The following VPS13B variants were observed in gnomAD, a reference collection of about 807,000 sequenced individuals.
The protein encoded by VPS13B is vacuolar protein sorting 13 homolog B.
Under a neutral mutation model 426.4 loss-of-function variants are expected in VPS13B, and 285 were observed. The ratio of observed to expected loss-of-function variants is 0.67; its 90% CI spans 0.61 to 0.74. VPS13B has a LOEUF of 0.74. VPS13B is among the 30% of genes least tolerant of loss of function. The pLI, the probability that VPS13B is intolerant of heterozygous loss-of-function variation, is 0.00. For missense variants in VPS13B, 4,537 were observed against 4,782.6 expected (o/e 0.95, Z 1.51); for synonymous variants, 1,676 against 1,676.4 (o/e 1.00, Z 0.01).
chr8:99,025,956 CT>C (rs1426562050), intron 2 of VPS13B, among the ~76,000 whole-genome samples: 5 of 152,062 alleles, frequency 3.3e-5, no homozygotes, highest in African/African-American at 9.7e-5. Flanking sequence ...AAAAAACCAG[CT>C]TTTCATTTTG....
At chr8:99,457,775 A>G (rs1485139143) in intron 23 of VPS13B, among the ~76,000 whole-genome samples, 1 of 151,902 alleles carries the variant, frequency 6.6e-6, no homozygotes, top group Non-Finnish European at 1.5e-5. Context: ...AGAAATTGTG[A>G]TATGTTTACA....
chr8:99,799,342 A>G (rs1250493294), intron 43 of VPS13B, among the ~76,000 whole-genome samples: 1 of 152,194 alleles, frequency 6.6e-6, no homozygotes, highest in Non-Finnish European at 1.5e-5. Flanking sequence ...GCATTAGTTC[A>G]TGTTTGACTT....
intron 5 of VPS13B, among the ~76,000 whole-genome samples, chr8:99,108,246 G>A (rs1171845067): frequency 6.6e-6 from 1 of 152,078 alleles, no homozygotes; most frequent in Admixed American, 6.6e-5. Flanking sequence ...CTACTTCACT[G>A]TTGTTGGGCA....
chr8:99,540,165 C>T (rs1334528243), intron 30 of VPS13B, among the ~76,000 whole-genome samples: 5 of 141,990 alleles, frequency 3.5e-5, no homozygotes, highest in African/African-American at 5.3e-5. Context: ...CTGCAAACTC[C>T]GCCTCCTGGG....
chr8:99,339,642 CA>C (rs1811128246), intron 19 of VPS13B, among the ~76,000 whole-genome samples: 1 of 151,028 alleles, frequency 6.6e-6, no homozygotes, highest in Non-Finnish European at 1.5e-5. Flanking sequence ...TCAAACAAGA[CA>C]GGCTTTATTT....
At position 99,778,532 on chromosome 8, in the gene VPS13B, A is replaced by G. The variant is rs1811854062; in HGVS notation, c.7430-150A>G. ...ATCAAATGGGAATCCAAAGATTATA[A>G]TATCTTCAATAAATAATTTGAATTT... On this transcript the variant is annotated intron_variant, in intron 41 of 61. Transcript: ENST00000357162. The G allele has an allele frequency of 9.3e-6, 7 of 748,674 alleles. No individual in the cohort carries two copies. The South Asian group carries it at 9.9e-5, about 11-fold the overall frequency. 46.4% of individuals were successfully genotyped at this position (748,674 alleles called of 1,614,324 possible).
chr8:99,252,343 A>G (rs1182771500), intron 17 of VPS13B, among the ~76,000 whole-genome samples: 1 of 151,854 alleles, frequency 6.6e-6, no homozygotes, highest in Admixed American at 6.5e-5. Flanking sequence ...TTAGTTTCCA[A>G]ATTTGGGGGG....
chr8:99,345,671 C>T (rs1203535280), intron 19 of VPS13B, among the ~76,000 whole-genome samples: 1 of 151,912 alleles, frequency 6.6e-6, no homozygotes, highest in Non-Finnish European at 1.5e-5. Context: ...TTCTTATTTT[C>T]CCTACATGAG....
intron 17 of VPS13B, among the ~76,000 whole-genome samples, chr8:99,251,926 C>G (rs138017013): frequency 6.6e-6 from 1 of 151,686 alleles, no homozygotes; most frequent in African/African-American, 2.4e-5. Flanking sequence ...TAATGATATC[C>G]CATTTCATTC....
intron 35 of VPS13B, among the ~76,000 whole-genome samples, chr8:99,690,230 A>T (rs1037349896): frequency 6.6e-6 from 1 of 152,222 alleles, no homozygotes; most frequent in African/African-American, 2.4e-5. Flanking sequence ...AATGTTGCTG[A>T]CATAACTAGA....
rs1291862937 is a variant in VPS13B, at chr8:99,336,583, A to G, written c.2825-47625A>G. On this transcript the variant is annotated intron_variant, in intron 19 of 61. Coordinates refer to ENST00000357162, the MANE Select transcript of VPS13B (RefSeq NM_152564.5). ...ACCATCAGAGTGCAGGCAACCTACA[A>G]AATGGGAAAAAATTTTCGCAAGCTA... Among the ~76,000 whole-genome samples the G allele has an allele frequency of 2.0e-5, 3 of 152,138 alleles. No individual in the cohort carries two copies. In the East Asian group the frequency reaches 5.8e-4, roughly 29 times the overall value.
chr8:99,761,770 A>G (rs1367390390), intron 39 of VPS13B, among the ~76,000 whole-genome samples: 1 of 152,084 alleles, frequency 6.6e-6, no homozygotes, highest in East Asian at 1.9e-4. Context: ...GCAATTTTAT[A>G]TTCTTTGTTG....
chr8:99,664,403 G>C (rs1432601287), intron 35 of VPS13B, among the ~76,000 whole-genome samples: 4 of 151,578 alleles, frequency 2.6e-5, no homozygotes, highest in Non-Finnish European at 5.9e-5. Flanking sequence ...TGCCGTGTTG[G>C]TGTGCTGCAC....
At chr8:99,257,128 A>G (rs1817786538) in intron 17 of VPS13B, among the ~76,000 whole-genome samples, 1 of 152,196 alleles carries the variant, frequency 6.6e-6, no homozygotes, top group Non-Finnish European at 1.5e-5. Context: ...CAAAACTTGC[A>G]TCCTTAAGCT....
In VPS13B at chr8:99,075,160, A is replaced by T. The variant is rs183910977; in HGVS notation, c.292-21152A>T. On this transcript the variant is annotated intron_variant, in intron 3 of 61. Transcript: ENST00000357162. ...TACTCATTGAATCTTGTTACACATT[A>T]TTGATGTGCTATACTATTCTTGCGA... is the stretch of plus-strand genomic sequence containing the variant. 5.9e-5 allele frequency among the ~76,000 whole-genome samples: 9 copies of T among 152,248 alleles called. No homozygotes were observed. In the East Asian group the frequency reaches 1.7e-3, roughly 29 times the overall value.
chr8:99,143,682 A>G (rs760235994), intron 13 of VPS13B, among the ~76,000 whole-genome samples: 11 of 152,250 alleles, frequency 7.2e-5, no homozygotes, highest in Non-Finnish European at 1.5e-4. Context: ...ATGAGGAAGT[A>G]TAAGATAATG....
intron 39 of VPS13B, among the ~76,000 whole-genome samples, chr8:99,760,173 C>T (rs953175873): frequency 4.6e-5 from 7 of 151,704 alleles, no homozygotes; most frequent in African/African-American, 1.7e-4. Flanking sequence ...TTAGTAGAGA[C>T]GGGGTTTCAT....
chr8:99,807,870 AT>A (rs1335428993), intron 43 of VPS13B, among the ~76,000 whole-genome samples: 12 of 148,058 alleles, frequency 8.1e-5, no homozygotes, highest in Non-Finnish European at 1.5e-5. Context: ...ATGTATTCAG[AT>A]TTAAAAAAAA....
At chr8:99,103,643 G>A (rs1349762160) in intron 5 of VPS13B, among the ~76,000 whole-genome samples, 1 of 151,924 alleles carries the variant, frequency 6.6e-6, no homozygotes, top group Non-Finnish European at 1.5e-5. Flanking sequence ...GGGACTACAG[G>A]CACCTGCCAC....
Sources: gnomAD v4.1 joint callset for allele counts (sites outside exome capture counted in the v4.1 genomes callset) on GRCh38, gnomAD v4.1.1 for gene constraint, MANE v1.5 for transcripts, NCBI Gene and HGNC (gene_info 2026-07-23, HGNC 2026-07-21) for gene names.